The following ABHD12 variants were observed in gnomAD, a reference collection of about 807,000 sequenced individuals.
ABHD12 encodes lysophosphatidylserine lipase ABHD12.
ABHD12 carries 43 observed loss-of-function variants against 58.3 expected under a neutral mutation model. The observed-to-expected ratio is 0.74, with a 90% CI of 0.58 to 0.95. ABHD12 has a LOEUF of 0.95. Among genes scored for constraint, ABHD12 ranks in the 40% least tolerant of loss-of-function variants. The pLI, the probability that ABHD12 is intolerant of heterozygous loss-of-function variation, is 0.00. For synonymous variants in ABHD12, 219 were observed against 211.2 expected (o/e 1.04, Z -0.32); for missense variants, 539 against 537.2 (o/e 1.00, Z -0.03).
At chr20:25,368,580 C>T (rs1386048903) in intron 1 of ABHD12, 4 of 1,401,074 alleles carry the variant, frequency 2.9e-6, no homozygotes, top group Non-Finnish European at 3.0e-6. Context: ...AGTCACCACC[C>T]TGATACATAA....
At chr20:25,357,808 C>T (rs745534113) in intron 1 of ABHD12, among the ~76,000 whole-genome samples, 61 of 152,046 alleles carry the variant, frequency 4.0e-4, no homozygotes, top group Non-Finnish European at 8.1e-4. Flanking sequence ...CCCAAGAGTT[C>T]AAGACCAGCC....
intron 2 of ABHD12, among the ~76,000 whole-genome samples, chr20:25,332,067 C>A: frequency 6.6e-6 from 1 of 152,128 alleles, no homozygotes; most frequent in Middle Eastern, 3.4e-3. Flanking sequence ...ACCCATCTCA[C>A]GTGCAGAGAC....
chr20:25,347,388 G>A (rs1658215609), intron 1 of ABHD12, among the ~76,000 whole-genome samples: 4 of 152,230 alleles, frequency 2.6e-5, no homozygotes, highest in Middle Eastern at 6.8e-3. Flanking sequence ...ATTGGGGTAT[G>A]CTTCTTTCTT....
At chr20:25,298,210 A>AGTT (rs1466897862), downstream of ABHD12, among the ~76,000 whole-genome samples, 1 of 152,172 alleles carries the variant, frequency 6.6e-6, no homozygotes, top group East Asian at 1.9e-4. Flanking sequence ...AGGGCAGAAA[A>AGTT]GTTTGCATCT....
intron 1 of ABHD12, among the ~76,000 whole-genome samples, chr20:25,378,060 C>T (rs1419290512): frequency 6.6e-6 from 1 of 152,202 alleles, no homozygotes; most frequent in African/African-American, 2.4e-5. Flanking sequence ...CTTTCCAACA[C>T]ATGAAATTTT....
At chr20:25,307,618 C>A (rs964097455) in intron 9 of ABHD12, among the ~76,000 whole-genome samples, 5 of 152,376 alleles carry the variant, frequency 3.3e-5, no homozygotes, top group African/African-American at 4.8e-5. Flanking sequence ...GTCCAGCCCC[C>A]CAAGCACTGT....
At chr20:25,306,506 G>A (rs933411668) in intron 10 of ABHD12, among the ~76,000 whole-genome samples, 9 of 152,106 alleles carry the variant, frequency 5.9e-5, no homozygotes, top group African/African-American at 2.2e-4. Flanking sequence ...AGCCTCCCAT[G>A]TAGCTGGGAC....
intron 1 of ABHD12, among the ~76,000 whole-genome samples, chr20:25,369,844 C>T (rs543608797): frequency 6.9e-6 from 1 of 144,616 alleles, no homozygotes; most frequent in East Asian, 2.0e-4. Context: ...TCTGTGGGGG[C>T]TGAGGCGAGA....
rs1432514744 is a variant in ABHD12, at chr20:25,331,333, T to G, written c.316+7894A>C. ...AAAGACCAAATCTACGTCTGATTGG[T>G]GTACCTGAAAGTGACGGGGAGAATG... On this transcript the variant is annotated intron_variant, in intron 2 of 12. Transcript: ENST00000339157. 3.9e-5 allele frequency among the ~76,000 whole-genome samples: 6 copies of G among 152,172 alleles called. No homozygotes were observed. In the East Asian group the frequency reaches 9.6e-4, roughly 24 times the overall value.
At chr20:25,324,562 C>T (rs759209593) in intron 2 of ABHD12, among the ~76,000 whole-genome samples, 34 of 152,214 alleles carry the variant, frequency 2.2e-4, no homozygotes, top group Non-Finnish European at 4.0e-4. Flanking sequence ...GTGGGTCCTG[C>T]CCCCGGGGAA....
At chr20:25,387,590 TAAAAA>T (rs57449867) in intron 1 of ABHD12, among the ~76,000 whole-genome samples, 1 of 113,042 alleles carries the variant, frequency 8.8e-6, no homozygotes, top group South Asian at 3.2e-4. Context: ...TCATCTCTAT[TAAAAA>T]AAAAAAAAAA....
At chr20:25,387,868 C>T (rs1162238708) in intron 1 of ABHD12, among the ~76,000 whole-genome samples, 6 of 151,866 alleles carry the variant, frequency 4.0e-5, no homozygotes, top group Non-Finnish European at 7.4e-5. Context: ...TGGTGAAACC[C>T]CGTCTCTACT....
chr20:25,302,521 A>T lies in ABHD12; in HGVS notation c.1030-175T>A, dbSNP rs116792881. ...GCCCGGGGGTGGGCTGGGAGGAGCC[A>T]GGCCCCAGGCTTGGCTCCTGGGCAC... On this transcript the variant is annotated intron_variant, in intron 11 of 12. Coordinates refer to ENST00000339157, the MANE Select transcript of ABHD12 (RefSeq NM_001042472.3). Among the ~76,000 whole-genome samples the T allele has an allele frequency of 4.8e-3, 738 of 152,184 alleles. 10 individuals are homozygous for T. Among genetic ancestry groups the T allele is most frequent in the African/African-American group, 0.017 (701 of 41,522 alleles).
intron 12 of ABHD12, 88 bp from the exon 13 acceptor site, chr20:25,300,972 A>T (rs1278198398): frequency 7.1e-7 from 1 of 1,415,876 alleles, no homozygotes; most frequent in Non-Finnish European, 9.8e-7. Flanking sequence ...CTAAGGAAGC[A>T]GAGGCTGTGC....
chr20:25,362,662 T>C (rs1263491686), intron 1 of ABHD12, among the ~76,000 whole-genome samples: 2 of 150,326 alleles, frequency 1.3e-5, no homozygotes, highest in Non-Finnish European at 1.5e-5. Flanking sequence ...TGAGAATTTT[T>C]ACTTGTTTTT....
Position 25,303,488 on chromosome 20 carries a change from C to A in ABHD12, c.1029+62G>T, listed in dbSNP as rs45545632. ...CCCGCCTGCCCACTCCCAGCCTGGT[C>A]CACCCACACTGGCTGAGTGTGCAAG... On this transcript the variant is annotated intron_variant, in intron 11 of 12. Transcript: ENST00000339157. The A allele has an allele frequency of 0.042, 67,689 of 1,598,962 alleles. 1,609 individuals are homozygous for A. The highest frequency in any genetic ancestry group is 0.049 in the Non-Finnish European group (57,964 of 1,173,304).
intron 2 of ABHD12, among the ~76,000 whole-genome samples, chr20:25,334,715 T>G (rs1323934091): frequency 1.1e-4 from 16 of 151,226 alleles, no homozygotes; most frequent in East Asian, 7.8e-4. Flanking sequence ...AAGGATTCCC[T>G]ATTTAATAAA....
chr20:25,336,622 C>A (rs1326839415), intron 2 of ABHD12, among the ~76,000 whole-genome samples: 1 of 152,190 alleles, frequency 6.6e-6, no homozygotes, highest in African/African-American at 2.4e-5. Flanking sequence ...ACAGACCCCA[C>A]CTCCTCGGCG....
intron 1 of ABHD12, among the ~76,000 whole-genome samples, chr20:25,374,673 A>G (rs1345909934): frequency 6.6e-6 from 1 of 152,110 alleles, no homozygotes; most frequent in Non-Finnish European, 1.5e-5. Flanking sequence ...TTGTAATTTT[A>G]GTAGAGACAG....
Sources: gnomAD v4.1 joint callset for allele counts (sites outside exome capture counted in the v4.1 genomes callset) on GRCh38, gnomAD v4.1.1 for gene constraint, MANE v1.5 for transcripts, NCBI Gene and HGNC (gene_info 2026-07-23, HGNC 2026-07-21) for gene names.